Variants in THRB observed in about 807,000 individuals in gnomAD.
The protein encoded by THRB is thyroid hormone receptor beta.
THRB carries 12 observed loss-of-function variants against 47.8 expected under a neutral mutation model. The ratio of observed to expected loss-of-function variants is 0.25; its 90% confidence interval spans 0.16 to 0.41. The LOEUF (loss-of-function observed/expected upper bound fraction) is 0.41, where lower values mean the gene tolerates loss of function less well. Among genes scored for constraint, THRB ranks in the 10% least tolerant of loss-of-function variants. The pLI is 1.00. For synonymous variants in THRB, 218 were observed against 212.2 expected (o/e 1.03, Z -0.24); for missense variants, 348 against 589.2 (o/e 0.59, Z 4.24).
intron 3 of THRB, among the ~76,000 whole-genome samples, chr3:24,230,381 C>T (rs1054141329): frequency 7.0e-4 from 107 of 152,238 alleles, no homozygotes; most frequent in African/African-American, 2.6e-3. Context: ...ATATGTTGAA[C>T]AACTAAATAA....
At chr3:24,303,270 C>G (rs1311198121) in intron 2 of THRB, among the ~76,000 whole-genome samples, 1 of 152,216 alleles carries the variant, frequency 6.6e-6, no homozygotes, top group African/African-American at 2.4e-5. Flanking sequence ...GCAGTGCCCT[C>G]ATATTTTGAG....
At chr3:24,218,638 C>T (rs2046857916) in intron 4 of THRB, among the ~76,000 whole-genome samples, 1 of 152,002 alleles carries the variant, frequency 6.6e-6, no homozygotes, top group South Asian at 2.1e-4. Flanking sequence ...CAGGTACTCC[C>T]TCATAATGGC....
At chr3:24,314,859 A>G (rs1258026561) in intron 2 of THRB, among the ~76,000 whole-genome samples, 1 of 152,180 alleles carries the variant, frequency 6.6e-6, no homozygotes, top group African/African-American at 2.4e-5. Flanking sequence ...CACATTTTTT[A>G]TTCATATATT....
chr3:24,142,208 C>A (rs1461623151), intron 8 of THRB, among the ~76,000 whole-genome samples: 1 of 152,184 alleles, frequency 6.6e-6, no homozygotes, highest in Non-Finnish European at 1.5e-5. Flanking sequence ...CTTCTCTCTT[C>A]TGTAAAATGG....
At chr3:24,369,441 T>C (rs575596597) in intron 1 of THRB, among the ~76,000 whole-genome samples, 5 of 152,290 alleles carry the variant, frequency 3.3e-5, no homozygotes, top group African/African-American at 7.2e-5. Context: ...CATGTATTAT[T>C]GCACACATTG....
At chr3:24,177,161 G>T (rs533347988) in intron 5 of THRB, among the ~76,000 whole-genome samples, 1 of 152,266 alleles carries the variant, frequency 6.6e-6, no homozygotes, top group Admixed American at 6.5e-5. Context: ...TCAGCAAGCA[G>T]AAAACAGTAT....
intron 1 of THRB, among the ~76,000 whole-genome samples, chr3:24,434,799 A>G (rs1009709141): frequency 1.3e-5 from 2 of 152,180 alleles, no homozygotes; most frequent in African/African-American, 4.8e-5. Context: ...GGCTTCCTCT[A>G]AAAGAAGAAG....
intron 1 of THRB, among the ~76,000 whole-genome samples, chr3:24,389,511 A>G (rs1227647722): frequency 2.6e-5 from 4 of 152,174 alleles, no homozygotes; most frequent in Non-Finnish European, 4.4e-5. Flanking sequence ...ATTTCATTTT[A>G]ACCCCCTCCT....
rs373399708 is a variant in THRB, at chr3:24,228,996, C to T, written c.-37G>A. On this transcript the variant is annotated 5_prime_UTR_variant, in exon 4 of 11. It removes an upstream start codon present in the reference 5' UTR. Coordinates refer to ENST00000646209, the MANE Select transcript of THRB (RefSeq NM_001354712.2). ...CATTCTGGATCCCTTTTTTCACTGA[C>T]ATCTCCTACAAGGAAAAAATACAAA... 1 of 1,562,914 alleles carries T rather than the reference C, an allele frequency of 6.4e-7. No individual in the cohort carries two copies. Among genetic ancestry groups the T allele is most frequent in the East Asian group, 2.3e-5 (1 of 43,824 alleles).
At chr3:24,347,035 T>A (rs1440606147) in intron 1 of THRB, among the ~76,000 whole-genome samples, 1 of 151,978 alleles carries the variant, frequency 6.6e-6, no homozygotes, top group African/African-American at 2.4e-5. Flanking sequence ...AGATCAAAAA[T>A]CAAACATAAG....
At chr3:24,385,874 A>G (rs1344478526) in intron 1 of THRB, among the ~76,000 whole-genome samples, 1 of 151,942 alleles carries the variant, frequency 6.6e-6, no homozygotes, top group African/African-American at 2.4e-5. Context: ...TTAAATATCA[A>G]CTCCTACCCT....
At position 24,135,375 on chromosome 3, in the gene THRB, T is replaced by C. The variant is rs115957004; in HGVS notation, c.739-1913A>G. Among the ~76,000 whole-genome samples the C allele has an allele frequency of 6.3e-3, 961 of 152,304 alleles. 15 individuals carry two copies. The highest frequency in any genetic ancestry group is 0.022 in the African/African-American group (928 of 41,572). Reference sequence around the variant, plus strand: ...AACAAATGCTGGCAGCATTTAACTTTTTTTGACCATCCAGCATTGTCTTCT... The same window carrying C: ...AACAAATGCTGGCAGCATTTAACTTCTTTTGACCATCCAGCATTGTCTTCT... On this transcript the variant is annotated intron_variant, in intron 8 of 10. Coordinates refer to ENST00000646209, the MANE Select transcript of THRB (RefSeq NM_001354712.2).
At position 24,122,706 on chromosome 3, in the gene THRB, A is replaced by C; in HGVS notation, c.*178T>G. 1.3e-6 allele frequency: 1 copy of C among 782,662 alleles called. No individual in the cohort carries two copies. Among genetic ancestry groups the C allele is most frequent in the Admixed American group, 2.3e-5 (1 of 43,020 alleles). 48.5% of individuals were successfully genotyped at this position (782,662 alleles called of 1,614,324 possible). ...ACAGGACCGGAGAACGAAATGCAAT[A>C]GTTTCAAGTACCCGCATTCAAGGGG... On this transcript the variant is annotated 3_prime_UTR_variant, in exon 11 of 11. Transcript: ENST00000646209.
rs80150109 is a variant in THRB at position 24,182,958 on chromosome 3, G to A, written c.283+7116C>T. Among the ~76,000 whole-genome samples the A allele has an allele frequency of 2.4e-4, 37 of 152,286 alleles. No homozygotes were observed. In the East Asian group the frequency reaches 6.9e-3, roughly 29 times the overall value. ...TTTAAAGTCATAGGGGATTATAACT[G>A]TAGAGAGCTCTGACCCTGGGGCCAG... On this transcript the variant is annotated intron_variant, in intron 5 of 10. Coordinates refer to ENST00000646209, the MANE Select transcript of THRB (RefSeq NM_001354712.2).
At chr3:24,165,363 C>T in intron 5 of THRB, 2 of 754,374 alleles carry the variant, frequency 2.7e-6, no homozygotes, top group South Asian at 1.4e-5. Context: ...ATTTTGTTTC[C>T]CTGGTTCAGT....
At chr3:24,414,400 C>A (rs1321111129) in intron 1 of THRB, among the ~76,000 whole-genome samples, 4 of 151,716 alleles carry the variant, frequency 2.6e-5, no homozygotes, top group Non-Finnish European at 5.9e-5. Context: ...TCCTTCCAGG[C>A]ATGTTAAATA....
intron 1 of THRB, among the ~76,000 whole-genome samples, chr3:24,347,598 A>C (rs2063101984): frequency 1.3e-5 from 2 of 151,114 alleles, no homozygotes. Context: ...TTTCTTTTTA[A>C]AGAAAAAAAC....
rs1553624014 is a variant in THRB at position 24,161,654 on chromosome 3, A to ACACACG, written c.284-9165_284-9164insCGTGTG. ...CACACACACACACACACACACACACAGACAGAATTCTATCTCCAAGTCAGA... is the reference window on the plus strand; with the variant it reads ...CACACACACACACACACACACACACACACACGGACAGAATTCTATCTCCAAGTCAGA... On this transcript the variant is annotated intron_variant, in intron 5 of 10. Coordinates refer to ENST00000646209, the MANE Select transcript of THRB (RefSeq NM_001354712.2). Among the ~76,000 whole-genome samples the ACACACG allele has an allele frequency of 4.7e-3, 711 of 151,498 alleles. 4 individuals carry two copies. Among genetic ancestry groups the ACACACG allele is most frequent in the Admixed American group, 5.9e-3 (90 of 15,204 alleles).
rs145499192 is a variant in THRB at position 24,196,392 on chromosome 3, GT to G, written c.23-6059del. Among the ~76,000 whole-genome samples, 316 of 152,204 alleles carry G rather than the reference GT, an allele frequency of 2.1e-3. 6 individuals carry two copies. The East Asian group carries it at 0.041, about 20-fold the overall frequency. On this transcript the variant is annotated intron_variant, in intron 4 of 10. Coordinates refer to ENST00000646209, the MANE Select transcript of THRB (RefSeq NM_001354712.2). ...TGCTTCTGGAACTTTAGAGATGTGG[GT>G]TTTCTGTAAAATGGGAATATACTAT...
Sources: allele counts gnomAD v4.1 joint callset (sites outside exome capture counted in the v4.1 genomes callset), GRCh38; gene constraint gnomAD v4.1.1; transcripts MANE v1.5; gene names NCBI Gene and HGNC (gene_info 2026-07-23, HGNC 2026-07-21).